LPCAT2: variants seen among roughly 807,000 people sequenced by gnomAD.
LPCAT2 encodes 1-AGP acyltransferase 11.
A neutral mutation model predicts 64.7 loss-of-function variants in LPCAT2; 58 were observed. That is an observed-to-expected ratio of 0.90 (90% CI 0.73 to 1.12). LPCAT2 has a LOEUF of 1.12. Ranked by LOEUF, LPCAT2 falls within the 50% of genes most tolerant of loss-of-function variation. The probability of loss-of-function intolerance (pLI) is 0.00; values close to 1 mark genes in which losing one functional copy is unlikely to be tolerated. For missense variants in LPCAT2, 579 were observed against 669.8 expected, an observed-to-expected ratio of 0.86 and a Z score of 1.50; for synonymous variants, 252 against 245.3, an observed-to-expected ratio of 1.03 and a Z score of -0.26.
chr16:55,520,782 T>C (rs1190833998), intron 1 of LPCAT2, among the ~76,000 whole-genome samples: 1 of 151,846 alleles, frequency 6.6e-6, no homozygotes, highest in Non-Finnish European at 1.5e-5. Context: ...ATATTACAAG[T>C]GAAATTACAA....
intron 11 of LPCAT2, among the ~76,000 whole-genome samples, chr16:55,559,285 A>G (rs1963609314): frequency 1.3e-5 from 2 of 152,328 alleles, no homozygotes; most frequent in South Asian, 4.1e-4. Flanking sequence ...ATTACTATGT[A>G]CTTTGTTTAA....
Position 55,528,604 on chromosome 16 carries a change from T to C in LPCAT2, c.529+10T>C, listed in dbSNP as rs1169871013. ...GTCCCTCTGATTGGCAGTAAGTACTTGTAAGGTAACGTAGATAAAATATTT... is the reference window on the plus strand; with the variant it reads ...GTCCCTCTGATTGGCAGTAAGTACTCGTAAGGTAACGTAGATAAAATATTT... On this transcript the variant is annotated intron_variant, in intron 3 of 13. Transcript: ENST00000262134. The C allele has an allele frequency of 1.3e-6, 2 of 1,584,776 alleles. No homozygotes were observed. The highest frequency in any genetic ancestry group is 1.7e-6 in the Non-Finnish European group (2 of 1,153,814).
At chr16:55,517,894 A>T (rs1444223456) in intron 1 of LPCAT2, among the ~76,000 whole-genome samples, 1 of 152,240 alleles carries the variant, frequency 6.6e-6, no homozygotes, top group African/African-American at 2.4e-5. Context: ...TAAGATAAGG[A>T]ATAAGACAAA....
chr16:55,518,153 A>G (rs1733606734), intron 1 of LPCAT2, among the ~76,000 whole-genome samples: 1 of 152,182 alleles, frequency 6.6e-6, no homozygotes, highest in African/African-American at 2.4e-5. Context: ...ACAAGCAACA[A>G]TCTAAAAATG....
chr16:55,551,000 G>A lies in LPCAT2; in HGVS notation c.1113G>A (p.Ala371=), dbSNP rs774356699. 14 of 1,612,128 alleles carry A rather than the reference G, an allele frequency of 8.7e-6. No homozygotes were observed. Among genetic ancestry groups the A allele is most frequent in the East Asian group, 4.5e-5 (2 of 44,786 alleles). The change falls in exon 11 of 14, where the codon GCG becomes GCA. Residue 371 remains alanine, a synonymous_variant. Coordinates refer to ENST00000262134, the MANE Select transcript of LPCAT2 (RefSeq NM_017839.5). The stretch of plus-strand genomic sequence containing the variant: ...ATTTGGATGAATATGCATCTATTGC[G>A]AGTTCCTCAAAAGGAGGAAGAATTG... The part of the protein sequence containing the change: ...RKHLDEYASI[A]SSSKGGRIGI...
At chr16:55,544,111 G>A (rs1963426551) in intron 8 of LPCAT2, among the ~76,000 whole-genome samples, 2 of 151,930 alleles carry the variant, frequency 1.3e-5, no homozygotes, top group Non-Finnish European at 2.9e-5. Context: ...ACTCCTTACC[G>A]CTGAAGTTAC....
chr16:55,509,090 C>T lies in LPCAT2; in HGVS notation c.-92C>T. The stretch of plus-strand genomic sequence containing the variant: ...CCTGCGCAGAGGCTCCCCAGCGTCG[C>T]CCTAGGCTGGGACTCTAGTAGGTCT... On this transcript the variant is annotated 5_prime_UTR_variant, in exon 1 of 14. Transcript: ENST00000262134. 3 of 1,125,266 alleles carry T rather than the reference C, an allele frequency of 2.7e-6. No individual in the cohort carries two copies. Among genetic ancestry groups the T allele is most frequent in the Non-Finnish European group, 3.4e-6 (3 of 876,066 alleles). 69.7% of individuals were successfully genotyped at this position (1,125,266 alleles called of 1,614,324 possible). A position where few individuals can be genotyped will look rare whatever the true frequency, so the allele number is the denominator to read the frequency against.
In LPCAT2 at chr16:55,527,056, A is replaced by G. The variant is rs148244607; in HGVS notation, c.312-1321A>G. Reference sequence around the variant, plus strand: ...ACTTCATATCATTACATGAGTAGAAATCTCATCTCTAAACTAAAGAAGAAA... The same window carrying G: ...ACTTCATATCATTACATGAGTAGAAGTCTCATCTCTAAACTAAAGAAGAAA... On this transcript the variant is annotated intron_variant, in intron 2 of 13. Coordinates refer to ENST00000262134, the MANE Select transcript of LPCAT2 (RefSeq NM_017839.5). Among the ~76,000 whole-genome samples, 859 of 152,286 alleles carry G rather than the reference A, an allele frequency of 5.6e-3. 6 individuals are homozygous for G. Among genetic ancestry groups the G allele is most frequent in the Middle Eastern group, 0.024 (7 of 294 alleles).
chr16:55,551,897 A>G (rs1963522141), intron 11 of LPCAT2, among the ~76,000 whole-genome samples: 2 of 152,150 alleles, frequency 1.3e-5, no homozygotes, highest in Non-Finnish European at 2.9e-5. Context: ...GCAATGAGCC[A>G]AGATCATGCC....
In LPCAT2 at chr16:55,516,511, A is replaced by C. The variant is rs574745537; in HGVS notation, c.171+7159A>C. Among the ~76,000 whole-genome samples, 8 of 152,352 alleles carry C rather than the reference A, an allele frequency of 5.3e-5. No homozygotes were observed. In the East Asian group the frequency reaches 1.5e-3, roughly 29 times the overall value. On this transcript the variant is annotated intron_variant, in intron 1 of 13. Coordinates refer to ENST00000262134, the MANE Select transcript of LPCAT2 (RefSeq NM_017839.5). ...AGGAGAGAGCTGGAATTGCTGTATTACTATCAGATAAAATAGACTTCAAGA... is the reference window on the plus strand; with the variant it reads ...AGGAGAGAGCTGGAATTGCTGTATTCCTATCAGATAAAATAGACTTCAAGA...
chr16:55,582,980 T>A lies in LPCAT2; in HGVS notation c.1517T>A (p.Leu506His), dbSNP rs1418331550. 6.2e-7 allele frequency: 1 copy of A among 1,613,646 alleles called. No individual in the cohort carries two copies. Among genetic ancestry groups the A allele is most frequent in the African/African-American group, 1.3e-5 (1 of 74,874 alleles). The part of the protein sequence containing the change: ...YAKIFTTYLD[L>H]QTCHVFSLPK... ...AAGATATTTACAACATACCTAGACC[T>A]CCAGACGTGCCATGTGTTTTCATTA... is the stretch of plus-strand genomic sequence containing the variant. The change falls in exon 14 of 14, where the codon CTC becomes CAC. Residue 506 changes from leucine to histidine, a missense_variant. Physicochemically the swap from Leu to His is moderately conservative, Grantham distance 99. Coordinates refer to ENST00000262134, the MANE Select transcript of LPCAT2 (RefSeq NM_017839.5).
Position 55,549,291 on chromosome 16 carries a change from C to T in LPCAT2, c.950C>T (p.Pro317Leu). The T allele has an allele frequency of 6.4e-7, 1 of 1,573,886 alleles. No individual in the cohort carries two copies. The highest frequency in any genetic ancestry group is 1.2e-5 in the South Asian group (1 of 83,308). The change falls in exon 10 of 14, where the codon CCA (proline) becomes CTA (leucine). Residue 317 changes from proline to leucine, a missense_variant. Physicochemically the swap from Pro to Leu is moderately conservative, Grantham distance 98 (BLOSUM62 -3). Coordinates refer to ENST00000262134, the MANE Select transcript of LPCAT2 (RefSeq NM_017839.5). ...RNLMAEALGI[P>L]VTDHTYEDCR... Reference sequence around the variant, plus strand: ...AATACTTTTAGAGCTCTGGGAATACCAGTAACAGATCATACCTATGAAGAC... The same window carrying T: ...AATACTTTTAGAGCTCTGGGAATACTAGTAACAGATCATACCTATGAAGAC...
intron 11 of LPCAT2, among the ~76,000 whole-genome samples, chr16:55,559,071 A>G (rs771209970): frequency 6.6e-6 from 1 of 152,156 alleles, no homozygotes; most frequent in Non-Finnish European, 1.5e-5. Flanking sequence ...GATGAAAGGA[A>G]AAGAGTGAGG....
intron 11 of LPCAT2, chr16:55,566,699 C>T: frequency 6.5e-7 from 1 of 1,534,982 alleles, no homozygotes; most frequent in Non-Finnish European, 8.7e-7. Flanking sequence ...AACTCCATTT[C>T]ATCTTTTTTC....
At chr16:55,578,667 T>C (rs1417481603) in intron 12 of LPCAT2, among the ~76,000 whole-genome samples, 6 of 152,144 alleles carry the variant, frequency 3.9e-5, no homozygotes, top group African/African-American at 1.2e-4. Context: ...CCCATTATAA[T>C]CCTACAGGAT....
chr16:55,571,028 C>T (rs542150558), intron 11 of LPCAT2, among the ~76,000 whole-genome samples: 23 of 152,126 alleles, frequency 1.5e-4, no homozygotes, highest in Non-Finnish European at 3.2e-4. Context: ...CTCTCATTTA[C>T]AGGGATGATA....
chr16:55,579,163 C>A lies in LPCAT2; in HGVS notation c.1369C>A (p.Leu457Ile), dbSNP rs763208445. 32 of 1,613,410 alleles carry A rather than the reference C, an allele frequency of 2.0e-5. No homozygotes were observed. Among genetic ancestry groups the A allele is most frequent in the Admixed American group, 5.0e-5 (3 of 59,960 alleles). ...AACGGAGGAAGAGTTCTCCACCATT[C>A]TACAGGCTTCCCTTGGAGTGCCTGA... ...YITEEEFSTI[L>I]QASLGVPDLD... is the part of the protein sequence containing the mutation. The change falls in exon 13 of 14, where the codon CTA (leucine) becomes ATA (isoleucine). Residue 457 changes from leucine (L) to isoleucine (I), a missense_variant. By Grantham distance (5) the Leu-to-Ile change is conservative. Transcript: ENST00000262134.
At chr16:55,580,076 T>C (rs1437221350) in intron 13 of LPCAT2, among the ~76,000 whole-genome samples, 3 of 152,188 alleles carry the variant, frequency 2.0e-5, no homozygotes, top group Admixed American at 6.6e-5. Context: ...TTCCCCAGTC[T>C]TTCCCCTGAG....
chr16:55,557,240 T>C (rs977544465), intron 11 of LPCAT2, among the ~76,000 whole-genome samples: 1 of 152,126 alleles, frequency 6.6e-6, no homozygotes, highest in Non-Finnish European at 1.5e-5. Context: ...TTTTCCTTTC[T>C]CTATCTCTGT....
Sources: gnomAD v4.1 joint callset for allele counts (sites outside exome capture counted in the v4.1 genomes callset) on GRCh38, gnomAD v4.1.1 for gene constraint, MANE v1.5 for transcripts, NCBI Gene and HGNC (gene_info 2026-07-23, HGNC 2026-07-21) for gene names.